Variants in WDR41 observed in about 807,000 individuals in gnomAD.
WDR41 encodes the protein WD repeat-containing protein 41.
A neutral mutation model predicts 69.3 loss-of-function variants in WDR41; 63 were observed. The ratio of observed to expected loss-of-function variants is 0.91; its 90% CI spans 0.74 to 1.12. The LOEUF is 1.12. WDR41 is among the 50% of genes most tolerant of loss of function. The probability of loss-of-function intolerance (pLI) is 0.00; values close to 1 mark genes in which losing one functional copy is unlikely to be tolerated. For synonymous variants in WDR41, 185 were observed against 192.1 expected (o/e 0.96, Z 0.31); for missense variants, 543 against 534.5 (o/e 1.02, Z -0.16).
rs1355941758 is a variant in WDR41, at chr5:77,582,975, C to T, written c.42+37504G>A. ...ATGAGATCTATACTGTTGGAAAACG[C>T]TTCAAAGAGGCAAATAACTTCCTGT... On this transcript the variant is annotated intron_variant, in intron 1 of 5. Coordinates refer to the WDR41 transcript ENST00000509971. 19 of 1,606,000 alleles carry T rather than the reference C, an allele frequency of 1.2e-5. No homozygotes were observed. In the East Asian group the frequency reaches 4.2e-4, roughly 36 times the overall value.
chr5:77,562,116 C>A (rs572136672), intron 1 of WDR41, among the ~76,000 whole-genome samples: 2 of 152,100 alleles, frequency 1.3e-5, no homozygotes, highest in Non-Finnish European at 2.9e-5. Context: ...ATGGCTGTGA[C>A]CTTCATGGTG....
intron 1 of WDR41, among the ~76,000 whole-genome samples, chr5:77,543,321 G>A (rs1254244885): frequency 1.3e-5 from 2 of 152,146 alleles, no homozygotes; most frequent in South Asian, 2.1e-4. Flanking sequence ...TGATTTACCT[G>A]AAAAAGAATT....
chr5:77,438,611 G>A (rs762290419), intron 9 of WDR41, among the ~76,000 whole-genome samples: 4 of 152,102 alleles, frequency 2.6e-5, no homozygotes, highest in African/African-American at 7.2e-5. Context: ...ATCCCTTAGC[G>A]CCACTTCTTC....
chr5:77,464,892 T>A, intron 2 of WDR41, 83 bp from the exon 3 acceptor site: 1 of 1,398,614 alleles, frequency 7.1e-7, no homozygotes, highest in Non-Finnish European at 1.0e-6. Context: ...ACCTTATTAG[T>A]GGTATTTTGA....
chr5:77,463,297 G>C, intron 3 of WDR41, 71 bp from the exon 4 acceptor site: 1 of 1,415,848 alleles, frequency 7.1e-7, no homozygotes, highest in African/African-American at 1.4e-5. Context: ...ACTACATTAA[G>C]TACAACTACC....
intron 1 of WDR41, chr5:77,499,746 A>G (rs977450320): frequency 1.3e-5 from 2 of 152,226 alleles, no homozygotes; most frequent in Non-Finnish European, 1.5e-5. Flanking sequence ...TTTTATATGA[A>G]CATGTAGGCA....
At chr5:77,593,147 CAG>C (rs747043025) in intron 1 of WDR41, among the ~76,000 whole-genome samples, 15 of 152,178 alleles carry the variant, frequency 9.9e-5, no homozygotes, top group East Asian at 1.9e-4. Context: ...TGCAGTGAGG[CAG>C]AGAGTATTAG....
chr5:77,434,311 C>T (rs751062211), intron 12 of WDR41, among the ~76,000 whole-genome samples: 1 of 150,758 alleles, frequency 6.6e-6, no homozygotes, highest in Non-Finnish European at 1.5e-5. Flanking sequence ...AACTCCCTCT[C>T]GGGAAAAAAA....
chr5:77,610,177 C>T (rs2112338901), intron 1 of WDR41, among the ~76,000 whole-genome samples: 2 of 152,334 alleles, frequency 1.3e-5, no homozygotes, highest in South Asian at 4.1e-4. Flanking sequence ...AAATCTATGT[C>T]TGATTGCTGT....
intron 7 of WDR41, among the ~76,000 whole-genome samples, chr5:77,450,744 C>G (rs979571903): frequency 1.3e-5 from 2 of 152,192 alleles, no homozygotes; most frequent in African/African-American, 4.8e-5. Context: ...GCATCACTAA[C>G]ATCTGAGAAG....
intron 2 of WDR41, among the ~76,000 whole-genome samples, chr5:77,476,442 A>G (rs1480994101): frequency 2.0e-5 from 3 of 152,164 alleles, no homozygotes; most frequent in African/African-American, 4.8e-5. Flanking sequence ...GGTTACCCTC[A>G]AAGGGAAGCC....
intron 3 of WDR41, 145 bp from the exon 4 acceptor site, chr5:77,463,371 C>T (rs1800154149): frequency 1.5e-6 from 1 of 662,940 alleles, no homozygotes; most frequent in Non-Finnish European, 2.2e-6. Context: ...TAAGCAATCA[C>T]ACAGAATCTA....
intron 1 of WDR41, chr5:77,545,867 C>T: frequency 1.7e-6 from 1 of 594,166 alleles, no homozygotes; most frequent in South Asian, 2.3e-5. Flanking sequence ...AGTCCATTGT[C>T]CCTGTGCTAC....
chr5:77,543,968 C>A (rs1375173073), intron 1 of WDR41, among the ~76,000 whole-genome samples: 1 of 152,114 alleles, frequency 6.6e-6, no homozygotes, highest in Non-Finnish European at 1.5e-5. Flanking sequence ...TCAGCAGAAA[C>A]CCTGAAAGCT....
chr5:77,503,762 G>C (rs1178683712), intron 1 of WDR41, among the ~76,000 whole-genome samples: 1 of 152,082 alleles, frequency 6.6e-6, no homozygotes, highest in Non-Finnish European at 1.5e-5. Flanking sequence ...TGAACAACCT[G>C]GTCCTGAATG....
At chr5:77,578,864 C>CAAAAA (rs55920763) in intron 1 of WDR41, among the ~76,000 whole-genome samples, 18 of 77,134 alleles carry the variant, frequency 2.3e-4, no homozygotes, top group East Asian at 3.5e-4. Context: ...AACTCCATCT[C>CAAAAA]AAAAAAAAAA....
At chr5:77,589,015 G>C (rs906670409) in intron 1 of WDR41, among the ~76,000 whole-genome samples, 3 of 152,044 alleles carry the variant, frequency 2.0e-5, no homozygotes, top group African/African-American at 4.8e-5. Flanking sequence ...TGAAAAATGT[G>C]GCACTTGATC....
intron 8 of WDR41, among the ~76,000 whole-genome samples, chr5:77,442,637 A>C (rs1272917923): frequency 6.6e-6 from 1 of 152,068 alleles, no homozygotes; most frequent in African/African-American, 2.4e-5. Context: ...TCACACCTGT[A>C]ATCCCAGCAC....
At chr5:77,560,615 T>C (rs138351206) in intron 1 of WDR41, among the ~76,000 whole-genome samples, 1 of 152,184 alleles carries the variant, frequency 6.6e-6, no homozygotes, top group East Asian at 1.9e-4. Flanking sequence ...ACTTTGTAAA[T>C]TGGCAAAAAG....
Sources: allele counts gnomAD v4.1 joint callset (sites outside exome capture counted in the v4.1 genomes callset), GRCh38; gene constraint gnomAD v4.1.1; transcripts MANE v1.5; gene names NCBI Gene and HGNC (gene_info 2026-07-23, HGNC 2026-07-21).